SLC27A2: variants seen among roughly 807,000 people sequenced by gnomAD.
SLC27A2 encodes the protein solute carrier family 27 member 2.
In SLC27A2, 54 loss-of-function variants were observed where a neutral mutation model predicts 60.0. That is an observed-to-expected ratio of 0.90 (90% CI 0.72 to 1.13). The LOEUF is 1.13. SLC27A2 is among the 50% of genes most tolerant of loss of function. The pLI is 0.00. For synonymous variants in SLC27A2, 297 were observed against 297.6 expected (o/e 1.00, Z 0.02); for missense variants, 739 against 777.6 (o/e 0.95, Z 0.59).
At chr15:50,188,574 C>G (rs2044944366) in intron 1 of SLC27A2, among the ~76,000 whole-genome samples, 1 of 152,220 alleles carries the variant, frequency 6.6e-6, no homozygotes, top group African/African-American at 2.4e-5. Flanking sequence ...TGAGTTGTTT[C>G]AATGCACTTT....
chr15:50,211,173 C>A (rs2140906312), intron 4 of SLC27A2, among the ~76,000 whole-genome samples: 1 of 152,282 alleles, frequency 6.6e-6, no homozygotes, highest in Middle Eastern at 3.4e-3. Flanking sequence ...TGGCAGGAGG[C>A]CAACAGCACA....
chr15:50,196,183 C>T (rs1429067672), intron 1 of SLC27A2, among the ~76,000 whole-genome samples: 2 of 138,484 alleles, frequency 1.4e-5, no homozygotes, highest in Non-Finnish European at 3.1e-5. Context: ...AAAGCAGTCT[C>T]ACTTTACGGC....
At chr15:50,223,358 C>T (rs1383795089) in intron 5 of SLC27A2, among the ~76,000 whole-genome samples, 199 bp downstream of exon 5, 4 of 152,156 alleles carry the variant, frequency 2.6e-5, no homozygotes, top group African/African-American at 7.2e-5. Flanking sequence ...AGCATCTCAA[C>T]TTCTATTAAG....
intron 1 of SLC27A2, among the ~76,000 whole-genome samples, chr15:50,194,702 C>T (rs1410604556): frequency 1.3e-5 from 2 of 152,090 alleles, no homozygotes; most frequent in African/African-American, 4.8e-5. Context: ...GGCAGTGGCA[C>T]AGGAGTGGAT....
rs1324659554 is a variant in SLC27A2 at position 50,196,105 on chromosome 15, T to A, written c.479-1395T>A. Reference sequence around the variant, plus strand: ...ATATATATATATATATATATATATATATATATATATATATATATATGTATG... The same window carrying A: ...ATATATATATATATATATATATATAAATATATATATATATATATATGTATG... On this transcript the variant is annotated intron_variant, in intron 1 of 9. Transcript: ENST00000267842. Among the ~76,000 whole-genome samples, 329 of 79,200 alleles carry A rather than the reference T, an allele frequency of 4.2e-3. 47 individuals are homozygous for A. Among genetic ancestry groups the A allele is most frequent in the African/African-American group, 0.01 (220 of 21,570 alleles). The allele number at this position is 79,200 out of a possible 152,430, so 52.0% of individuals were successfully genotyped here. A position where few individuals can be genotyped will look rare whatever the true frequency, so the allele number is the denominator to read the frequency against.
At chr15:50,208,846 A>T (rs1328021406) in intron 4 of SLC27A2, among the ~76,000 whole-genome samples, 1 of 152,190 alleles carries the variant, frequency 6.6e-6, no homozygotes, top group African/African-American at 2.4e-5. Context: ...ATGAAAGGCC[A>T]TTCTGATTCA....
intron 2 of SLC27A2, among the ~76,000 whole-genome samples, chr15:50,201,718 G>C (rs1055191244): frequency 2.6e-5 from 4 of 152,004 alleles, no homozygotes; most frequent in African/African-American, 9.7e-5. Context: ...ACCACGCCCG[G>C]CTAATTTTTT....
At chr15:50,194,393 T>C (rs909705617) in intron 1 of SLC27A2, among the ~76,000 whole-genome samples, 2 of 152,010 alleles carry the variant, frequency 1.3e-5, no homozygotes, top group Admixed American at 1.3e-4. Context: ...ACAGGTACCT[T>C]CAGGGATTTT....
Position 50,202,761 on chromosome 15 carries a change from A to G in SLC27A2, c.847+116A>G, listed in dbSNP as rs145580892. 1,529 of 1,020,902 alleles carry G rather than the reference A, an allele frequency of 1.5e-3. 17 individuals are homozygous for G. In the African/African-American group the frequency reaches 0.022, roughly 15 times the overall value. The allele number at this position is 1,020,902 out of a possible 1,614,324, so 63.2% of individuals were successfully genotyped here. On this transcript the variant is annotated intron_variant, in intron 3 of 9. Coordinates refer to ENST00000267842, the MANE Select transcript of SLC27A2 (RefSeq NM_003645.4). The stretch of plus-strand genomic sequence containing the variant: ...TGCTAGGAACAGTTTTCAATTTTGC[A>G]TTAACAATAAGGCAATTTGAATCAC...
chr15:50,198,267 G>A (rs1217182235), intron 2 of SLC27A2: 1 of 150,950 alleles, frequency 6.6e-6, no homozygotes, highest in Non-Finnish European at 1.5e-5. Context: ...CCCATTATGA[G>A]CCACTAAGAA....
chr15:50,212,981 G>T (rs971867075), intron 4 of SLC27A2, among the ~76,000 whole-genome samples: 1 of 152,116 alleles, frequency 6.6e-6, no homozygotes, highest in Non-Finnish European at 1.5e-5. Flanking sequence ...AATGTAAATG[G>T]CCTAAATGCT....
In SLC27A2 at chr15:50,233,892, C is replaced by A; in HGVS notation, c.1580C>A (p.Ala527Asp). 1 of 1,613,816 alleles carries A rather than the reference C, an allele frequency of 6.2e-7. No individual in the cohort carries two copies. ...VPDHEGRIGM[A>D]SIKMKENHEF... ...GATCATGAGGGTCGCATTGGCATGGCCTCCATCAAAATGAAAGAAAACCAT... is the reference window on the plus strand; with the variant it reads ...GATCATGAGGGTCGCATTGGCATGGACTCCATCAAAATGAAAGAAAACCAT... The change falls in exon 9 of 10, where the codon GCC becomes GAC. Residue 527 changes from alanine to aspartate, a missense_variant. Physicochemically the swap from Ala to Asp is moderately radical, Grantham distance 126 (BLOSUM62 -2). Transcript: ENST00000267842.
At chr15:50,234,524 T>A (rs150773564) in intron 9 of SLC27A2, among the ~76,000 whole-genome samples, 2,552 of 148,774 alleles carry the variant, frequency 0.017, 31 homozygotes, top group Non-Finnish European at 0.026. Context: ...GAGGAGGAGG[T>A]TGCAGTGAGC....
At chr15:50,210,122 C>A (rs138485160) in intron 4 of SLC27A2, among the ~76,000 whole-genome samples, 1 of 152,164 alleles carries the variant, frequency 6.6e-6, no homozygotes, top group African/African-American at 2.4e-5. Context: ...AAGTAAAATA[C>A]GGAGGACAGG....
intron 4 of SLC27A2, among the ~76,000 whole-genome samples, chr15:50,206,023 C>G (rs1461159575): frequency 6.6e-6 from 1 of 152,156 alleles, no homozygotes; most frequent in Admixed American, 6.5e-5. Context: ...GTTCAGCTCT[C>G]GATGGGGTTG....
At chr15:50,191,370 A>G (rs1351598265) in intron 1 of SLC27A2, among the ~76,000 whole-genome samples, 2 of 152,302 alleles carry the variant, frequency 1.3e-5, no homozygotes, top group South Asian at 4.1e-4. Flanking sequence ...TTGGTTGAAG[A>G]GAGACACTTT....
chr15:50,223,644 T>C (rs9920559), intron 5 of SLC27A2, among the ~76,000 whole-genome samples: 24,046 of 152,138 alleles, frequency 0.16, 1,912 homozygotes, highest in Middle Eastern at 0.18. Context: ...TGAACATTTA[T>C]GTCTACCTAA....
At chr15:50,215,940 A>G (rs967048566) in intron 4 of SLC27A2, among the ~76,000 whole-genome samples, 2 of 152,256 alleles carry the variant, frequency 1.3e-5, no homozygotes, top group Non-Finnish European at 2.9e-5. Flanking sequence ...AGCAAATGCA[A>G]TAAAAACAAA....
intron 4 of SLC27A2, among the ~76,000 whole-genome samples, chr15:50,218,060 C>CAAAAAAAAAAA (rs34661754): frequency 1.6e-5 from 1 of 63,898 alleles, no homozygotes; most frequent in African/African-American, 6.9e-5. Flanking sequence ...GACTCTGTCT[C>CAAAAAAAAAAA]AAAAAAAAAA....
Sources: gnomAD v4.1 joint callset for allele counts (sites outside exome capture counted in the v4.1 genomes callset) on GRCh38, gnomAD v4.1.1 for gene constraint, MANE v1.5 for transcripts, NCBI Gene and HGNC (gene_info 2026-07-23, HGNC 2026-07-21) for gene names.